PBX1: variants seen among roughly 807,000 people sequenced by gnomAD.
PBX1 encodes pre-B-cell leukemia transcription factor 1.
PBX1 carries 6 observed loss-of-function variants against 53.4 expected under a neutral mutation model. The ratio of observed to expected loss-of-function variants is 0.11; its 90% CI spans 0.06 to 0.22. The LOEUF (loss-of-function observed/expected upper bound fraction) is 0.22, where lower values mean the gene tolerates loss of function less well. Among genes scored for constraint, PBX1 ranks in the 10% least tolerant of loss-of-function variants. PBX1 has a pLI of 1.00. For synonymous variants in PBX1, 204 were observed against 212.3 expected, an observed-to-expected ratio of 0.96 and a Z score of 0.34; for missense variants, 251 against 551.4, an observed-to-expected ratio of 0.46 and a Z score of 5.46.
intron 2 of PBX1, among the ~76,000 whole-genome samples, chr1:164,865,790 T>C (rs115353676): frequency 0.012 from 1,807 of 152,298 alleles, 26 homozygotes; most frequent in African/African-American, 0.037. Flanking sequence ...TCCTAAACAT[T>C]GCACTGCCAG....
At chr1:164,703,488 T>G (rs1340655723) in intron 2 of PBX1, among the ~76,000 whole-genome samples, 2 of 152,194 alleles carry the variant, frequency 1.3e-5, no homozygotes, top group Non-Finnish European at 2.9e-5. Context: ...ATTGTTGATC[T>G]GTGGCATGAC....
chr1:164,851,469 CT>C lies in PBX1; in HGVS notation c.*4801del, dbSNP rs959968547. The C allele has an allele frequency of 3.6e-5, 7 of 192,800 alleles. No individual in the cohort carries two copies. The highest frequency in any genetic ancestry group is 1.2e-4 in the Admixed American group (2 of 16,322). The allele number at this position is 192,800 out of a possible 1,614,324, so 11.9% of individuals were successfully genotyped here. ...CCTGGAATCTTTTATTTTTTGTAAA[CT>C]TTTTTTTCTTTTGTTAAAATAAATA... On this transcript the variant is annotated 3_prime_UTR_variant, in exon 9 of 9. Coordinates refer to ENST00000420696, the MANE Select transcript of PBX1 (RefSeq NM_002585.4).
rs1666918872 is a variant in PBX1, at chr1:164,763,611, G to A, written c.266-28883G>A. ...CCCTAACCAAGAAAGATAGACCGAG[G>A]AGTCATTTTAATTGTCTAGATCTGA... On this transcript the variant is annotated intron_variant, in intron 2 of 8. Transcript: ENST00000420696. Among the ~76,000 whole-genome samples the A allele has an allele frequency of 2.0e-5, 3 of 152,202 alleles. No homozygotes were observed. In the South Asian group the frequency reaches 6.2e-4, roughly 31 times the overall value.
At chr1:164,791,562 G>A (rs1056519452) in intron 2 of PBX1, among the ~76,000 whole-genome samples, 1 of 152,148 alleles carries the variant, frequency 6.6e-6, no homozygotes, top group African/African-American at 2.4e-5. Context: ...TGAAGATTTC[G>A]TTCCACATGT....
intron 2 of PBX1, among the ~76,000 whole-genome samples, chr1:164,580,188 A>G (rs539747631): frequency 6.6e-6 from 1 of 152,344 alleles, no homozygotes; most frequent in East Asian, 1.9e-4. Context: ...GCTGGCTGCA[A>G]AACAAGTAAA....
chr1:164,706,497 A>G (rs1663433074), intron 2 of PBX1, among the ~76,000 whole-genome samples: 1 of 152,172 alleles, frequency 6.6e-6, no homozygotes, highest in African/African-American at 2.4e-5. Context: ...ATCATAATAT[A>G]TCTTGTTAGA....
chr1:164,794,684 G>C (rs60802022), intron 3 of PBX1, among the ~76,000 whole-genome samples: 41,001 of 152,008 alleles, frequency 0.27, 5,722 homozygotes, highest in East Asian at 0.3. Context: ...AACCTAAAAG[G>C]GTAATTATGG....
At chr1:164,726,924 T>C (rs985207568) in intron 2 of PBX1, among the ~76,000 whole-genome samples, 2 of 152,216 alleles carry the variant, frequency 1.3e-5, no homozygotes, top group East Asian at 3.9e-4. Flanking sequence ...GTGCTGTTTT[T>C]ACCCCCAAGA....
chr1:164,848,905 C>G lies in PBX1; in HGVS notation c.*2229C>G. 2 of 1,068,824 alleles carry G rather than the reference C, an allele frequency of 1.9e-6. No individual in the cohort carries two copies. Among genetic ancestry groups the G allele is most frequent in the Non-Finnish European group, 2.3e-6 (2 of 881,676 alleles). 66.2% of individuals were successfully genotyped at this position (1,068,824 alleles called of 1,614,324 possible). On this transcript the variant is annotated 3_prime_UTR_variant, in exon 9 of 9. Coordinates refer to ENST00000420696, the MANE Select transcript of PBX1 (RefSeq NM_002585.4). The stretch of plus-strand genomic sequence containing the variant: ...TGTGTATTTGAAGGAAATGCAAAAA[C>G]TAAGTATTTAGCAAAATGAAATTAT...
At chr1:164,689,018 C>T (rs913141309) in intron 2 of PBX1, among the ~76,000 whole-genome samples, 11 of 152,184 alleles carry the variant, frequency 7.2e-5, no homozygotes, top group African/African-American at 1.9e-4. Context: ...CCGCAGGCCA[C>T]GCAGAGAGGC....
At chr1:164,578,547 GA>G (rs1179999784) in intron 2 of PBX1, among the ~76,000 whole-genome samples, 2 of 152,142 alleles carry the variant, frequency 1.3e-5, no homozygotes, top group Non-Finnish European at 2.9e-5. Flanking sequence ...GACAGAGACT[GA>G]AAAATACAGA....
rs1671675307 is a variant in PBX1 at position 164,848,457 on chromosome 1, A to T, written c.*1781A>T. The T allele has an allele frequency of 9.5e-7, 1 of 1,057,056 alleles. No individual in the cohort carries two copies. Among genetic ancestry groups the T allele is most frequent in the Non-Finnish European group, 1.1e-6 (1 of 874,112 alleles). 65.5% of individuals were successfully genotyped at this position (1,057,056 alleles called of 1,614,324 possible). A position where few individuals can be genotyped will look rare whatever the true frequency, so the allele number is the denominator to read the frequency against. ...CAATCTGTAAATGCGAAGTCAGGGG[A>T]AGTAATGTCCCTGAAATAAACGGGT... On this transcript the variant is annotated 3_prime_UTR_variant, in exon 9 of 9. Coordinates refer to ENST00000420696, the MANE Select transcript of PBX1 (RefSeq NM_002585.4).
intron 2 of PBX1, among the ~76,000 whole-genome samples, chr1:164,629,039 G>GGT (rs1571103149): frequency 6.6e-6 from 1 of 152,234 alleles, no homozygotes; most frequent in Middle Eastern, 3.4e-3. Context: ...TGCTTGTTTG[G>GGT]ACTGACCTCA....
At chr1:164,659,181 G>C (rs555308938) in intron 2 of PBX1, among the ~76,000 whole-genome samples, 3 of 152,176 alleles carry the variant, frequency 2.0e-5, no homozygotes, top group African/African-American at 7.2e-5. Context: ...AATTAGGTTC[G>C]TTGTTTTAAG....
At chr1:164,855,284 TAC>T (rs1278897525), downstream of PBX1, among the ~76,000 whole-genome samples, 2 of 152,184 alleles carry the variant, frequency 1.3e-5, no homozygotes, top group African/African-American at 4.8e-5. Flanking sequence ...AATATTAGTC[TAC>T]ACCTCCACAG....
At chr1:164,566,344 T>C (rs1013317044) in intron 2 of PBX1, among the ~76,000 whole-genome samples, 1 of 152,104 alleles carries the variant, frequency 6.6e-6, no homozygotes, top group Non-Finnish European at 1.5e-5. Context: ...TTTAAAAAAA[T>C]AAATGCTAAG....
At chr1:164,614,860 A>G (rs1657164136) in intron 2 of PBX1, among the ~76,000 whole-genome samples, 3 of 151,798 alleles carry the variant, frequency 2.0e-5, no homozygotes, top group South Asian at 2.1e-4. Context: ...CACAGCCTCC[A>G]CCTCCTGGGT....
At chr1:164,782,423 G>A (rs1667979224) in intron 2 of PBX1, among the ~76,000 whole-genome samples, 2 of 152,276 alleles carry the variant, frequency 1.3e-5, no homozygotes, top group East Asian at 1.9e-4. Flanking sequence ...GGGAGAAGGT[G>A]TATCATATTA....
At chr1:164,615,873 C>T (rs911691077) in intron 2 of PBX1, among the ~76,000 whole-genome samples, 3 of 152,080 alleles carry the variant, frequency 2.0e-5, no homozygotes, top group African/African-American at 4.8e-5. Context: ...CAAACCCTCT[C>T]GACTTTGGGA....
Sources: gnomAD v4.1 joint callset for allele counts (sites outside exome capture counted in the v4.1 genomes callset) on GRCh38, gnomAD v4.1.1 for gene constraint, MANE v1.5 for transcripts, NCBI Gene and HGNC (gene_info 2026-07-23, HGNC 2026-07-21) for gene names.